CELF2: variants seen among roughly 807,000 people sequenced by gnomAD.
CELF2 encodes CUG triplet repeat RNA-binding protein 2.
A neutral mutation model predicts 62.6 loss-of-function variants in CELF2; 8 were observed. That is an observed-to-expected ratio of 0.13 (90% CI 0.07 to 0.23). The LOEUF is 0.23. CELF2 is among the 10% of genes least tolerant of loss of function. CELF2 has a pLI of 1.00. For synonymous variants in CELF2, 258 were observed against 250.0 expected (o/e 1.03, Z -0.30); for missense variants, 333 against 671.0 (o/e 0.50, Z 5.56).
chr10:11,112,748 A>G (rs1411050829), intron 1 of CELF2, among the ~76,000 whole-genome samples: 1 of 152,264 alleles, frequency 6.6e-6, no homozygotes, highest in Non-Finnish European at 1.5e-5. Flanking sequence ...TGATTTATAG[A>G]CAAAGGTATG....
intron 2 of CELF2, among the ~76,000 whole-genome samples, chr10:10,981,181 A>G (rs2052060549): frequency 6.6e-6 from 1 of 152,172 alleles, no homozygotes; most frequent in African/African-American, 2.4e-5. Context: ...ATTTCTTCGC[A>G]CTTGGATTCC....
the CELF2 span, among the ~76,000 whole-genome samples, chr10:10,534,228 AAG>A: frequency 3.8e-4 from 57 of 148,494 alleles, no homozygotes; most frequent in African/African-American, 1.3e-3. Context: ...AAAAAAAAAA[AAG>A]AAAAAGAAAA....
At chr10:11,195,569 T>G (rs149910767) in intron 2 of CELF2, among the ~76,000 whole-genome samples, 1 of 152,300 alleles carries the variant, frequency 6.6e-6, no homozygotes, top group East Asian at 1.9e-4. Context: ...GCAACAGTTG[T>G]GTTCAGAGTT....
At position 10,947,431 on chromosome 10, in the gene CELF2, T is replaced by C. The variant is rs990915620; in HGVS notation, c.89+27432T>C. The C allele has an allele frequency of 2.0e-5, 3 of 152,650 alleles. No individual in the cohort carries two copies. The highest frequency in any genetic ancestry group is 2.9e-5 in the Non-Finnish European group (2 of 68,040). The allele number at this position is 152,650 out of a possible 1,614,324, so 9.5% of individuals were successfully genotyped here. A position where few individuals can be genotyped will look rare whatever the true frequency, so the allele number is the denominator to read the frequency against. The stretch of plus-strand genomic sequence containing the variant: ...TTTTGCCTTACAAGGCATAGCCAGA[T>C]TGCCAAGTAATTACCTTGATTTATG... On this transcript the variant is annotated intron_variant, in intron 2 of 13. Coordinates refer to the CELF2 transcript ENST00000636488. The surrounding 1 kb of genome is among the most constrained non-coding windows in gnomAD (Gnocchi z 4.1).
At chr10:10,892,981 TG>T (rs1022246200) in intron 1 of CELF2, among the ~76,000 whole-genome samples, 2 of 152,262 alleles carry the variant, frequency 1.3e-5, no homozygotes, top group African/African-American at 4.8e-5. Context: ...ATCATTTTTT[TG>T]TCATCCTTCT....
At chr10:10,781,709 G>A in the CELF2 span, among the ~76,000 whole-genome samples, 1 of 152,148 alleles carries the variant, frequency 6.6e-6, no homozygotes, top group Non-Finnish European at 1.5e-5. Context: ...CAGTAGCCTA[G>A]GTGTGTATTA....
chr10:11,135,116 T>C (rs2060227007), intron 1 of CELF2, among the ~76,000 whole-genome samples: 1 of 152,190 alleles, frequency 6.6e-6, no homozygotes, highest in Admixed American at 6.5e-5. Context: ...AATGCTGCTT[T>C]GGTCCCGACT....
chr10:10,524,096 A>T, the CELF2 span, among the ~76,000 whole-genome samples: 8 of 152,292 alleles, frequency 5.3e-5, no homozygotes, highest in Admixed American at 5.2e-4. Flanking sequence ...CTTAGTAGGA[A>T]AGACTTTCAG....
the CELF2 span, among the ~76,000 whole-genome samples, chr10:10,711,389 T>C: frequency 1.3e-5 from 2 of 152,156 alleles, no homozygotes; most frequent in Admixed American, 6.6e-5. Context: ...ATGACAGGCT[T>C]TGTGATTGGC....
intron 1 of CELF2, among the ~76,000 whole-genome samples, chr10:10,856,446 C>CTT (rs2059712142): frequency 6.6e-6 from 1 of 152,060 alleles, no homozygotes; most frequent in Non-Finnish European, 1.5e-5. Context: ...TATTTAAAGA[C>CTT]TTGTAATTTT....
intron 1 of CELF2, among the ~76,000 whole-genome samples, chr10:11,104,541 G>GGT (rs1487965366): frequency 2.0e-5 from 3 of 152,160 alleles, no homozygotes; most frequent in Non-Finnish European, 2.9e-5. Context: ...AAATTAGCCA[G>GGT]GTGTGTGGTG....
chr10:10,702,514 C>A, the CELF2 span, among the ~76,000 whole-genome samples: 1 of 152,192 alleles, frequency 6.6e-6, no homozygotes, highest in African/African-American at 2.4e-5. Flanking sequence ...CACAAATAAA[C>A]AAGCATTTTA....
intron 2 of CELF2, chr10:10,923,713 T>C (rs989753276): frequency 6.6e-6 from 1 of 152,238 alleles, no homozygotes; most frequent in Non-Finnish European, 1.5e-5. Flanking sequence ...ATATTATAAA[T>C]ATTAAAACCA....
the CELF2 span, among the ~76,000 whole-genome samples, chr10:10,774,905 G>A: frequency 6.7e-6 from 1 of 150,250 alleles, no homozygotes. Flanking sequence ...TTGAGTCAAA[G>A]TCTCTCTGTG....
chr10:10,885,361 A>G (rs928099481), intron 1 of CELF2, among the ~76,000 whole-genome samples: 5 of 151,946 alleles, frequency 3.3e-5, no homozygotes, highest in Non-Finnish European at 5.9e-5. Flanking sequence ...ATCAAATGGT[A>G]GATGTTTGTT....
At chr10:10,826,304 TC>T (rs2132099888) in intron 1 of CELF2, among the ~76,000 whole-genome samples, 2 of 152,310 alleles carry the variant, frequency 1.3e-5, no homozygotes, top group South Asian at 4.1e-4. Flanking sequence ...TAGTTATTCA[TC>T]TAGCTGTGGT....
At chr10:10,668,304 G>C in the CELF2 span, among the ~76,000 whole-genome samples, 6 of 152,062 alleles carry the variant, frequency 3.9e-5, no homozygotes, top group Non-Finnish European at 8.8e-5. Flanking sequence ...ACTGCTCTGC[G>C]TTCCCAACCC....
the CELF2 span, among the ~76,000 whole-genome samples, chr10:10,684,853 T>C: frequency 6.6e-6 from 1 of 152,064 alleles, no homozygotes; most frequent in East Asian, 1.9e-4. Flanking sequence ...AACAGGTGCA[T>C]AGTCAACAAG....
At chr10:10,918,950 C>T (rs1236185767) in intron 1 of CELF2, among the ~76,000 whole-genome samples, 2 of 152,116 alleles carry the variant, frequency 1.3e-5, no homozygotes, top group African/African-American at 4.8e-5. Flanking sequence ...GTTCCCTTCT[C>T]GTTCCAAGAA....
Sources: gnomAD v4.1 joint callset for allele counts (sites outside exome capture counted in the v4.1 genomes callset) on GRCh38, gnomAD v4.1.1 for gene constraint, Gnocchi (gnomAD v3.1) non-coding constraint, MANE v1.5 for transcripts, NCBI Gene and HGNC (gene_info 2026-07-23, HGNC 2026-07-21) for gene names.